PCDHGB7: variants seen among roughly 807,000 people sequenced by gnomAD.
PCDHGB7 encodes the protein protocadherin gamma subfamily B, 7.
In PCDHGB7, 37 loss-of-function variants were observed where a neutral mutation model predicts 61.4. The ratio of observed to expected loss-of-function variants is 0.60; its 90% CI spans 0.46 to 0.79. The LOEUF is 0.79. Ranked by LOEUF, PCDHGB7 falls within the 30% of genes least tolerant of loss-of-function variation. PCDHGB7 has a pLI of 0.00. For synonymous variants in PCDHGB7, 464 were observed against 503.5 expected, an observed-to-expected ratio of 0.92 and a Z score of 1.05; for missense variants, 1,166 against 1,202.5, an observed-to-expected ratio of 0.97 and a Z score of 0.45.
Position 141,490,693 on chromosome 5 carries a change from G to C in PCDHGB7, c.2416-4114G>C. 2 of 1,614,170 alleles carry C rather than the reference G, an allele frequency of 1.2e-6. No homozygotes were observed. Among genetic ancestry groups the C allele is most frequent in the Non-Finnish European group, 1.7e-6 (2 of 1,180,018 alleles). ...GGCTGCCTCAGATCCAGACACTGGG[G>C]ATAATGCCCGCCTCACCTACTCCAT... is the stretch of plus-strand genomic sequence containing the variant. On this transcript the variant is annotated intron_variant, in intron 1 of 3. Coordinates refer to ENST00000398594, the MANE Select transcript of PCDHGB7 (RefSeq NM_018927.4). This position sits in a 1 kb window ranked among gnomAD's most constrained non-coding sequence, Gnocchi z 5.4.
chr5:141,462,209 C>T (rs1158675305), intron 1 of PCDHGB7, among the ~76,000 whole-genome samples: 6 of 152,172 alleles, frequency 3.9e-5, no homozygotes, highest in Non-Finnish European at 8.8e-5. Flanking sequence ...ATCCGCCTGC[C>T]TCGGCCTCCC....
At position 141,503,992 on chromosome 5, in the gene PCDHGB7, A is replaced by G. The variant is rs1419698681; in HGVS notation, c.2475-1401A>G. 2.6e-5 allele frequency among the ~76,000 whole-genome samples: 4 copies of G among 152,116 alleles called. No homozygotes were observed. In the East Asian group the frequency reaches 7.7e-4, roughly 29 times the overall value. ...GGTGCCAAACCCTTCTTCTTACCTTACAGTCACTTAACTGTCTCTGCTGGT... is the reference window on the plus strand; with the variant it reads ...GGTGCCAAACCCTTCTTCTTACCTTGCAGTCACTTAACTGTCTCTGCTGGT... On this transcript the variant is annotated intron_variant, in intron 2 of 3. Transcript: ENST00000398594.
chr5:141,437,058 T>C (rs539776847), intron 1 of PCDHGB7, among the ~76,000 whole-genome samples: 2 of 152,246 alleles, frequency 1.3e-5, no homozygotes, highest in Non-Finnish European at 2.9e-5. Context: ...CTGGTGATCA[T>C]TATTTGGTTT....
chr5:141,504,541 C>G (rs1050153403), intron 2 of PCDHGB7, among the ~76,000 whole-genome samples: 2 of 151,728 alleles, frequency 1.3e-5, no homozygotes, highest in Non-Finnish European at 2.9e-5. Context: ...GTCATCATGG[C>G]AAATGTTGGG....
chr5:141,422,831 C>A (rs766457129), intron 1 of PCDHGB7: 11 of 1,614,242 alleles, frequency 6.8e-6, no homozygotes, highest in Non-Finnish European at 6.8e-6. Context: ...AGAGTGATAG[C>A]ACGTGACAGC....
chr5:141,492,619 G>A lies in PCDHGB7; in HGVS notation c.2416-2188G>A, dbSNP rs778698501. ...GCGACTGCCGCTCTAAGTGCCGGGC[G>A]GGCAGGACTCTACGATCCTTGGGCC... On this transcript the variant is annotated intron_variant, in intron 1 of 3. Coordinates refer to ENST00000398594, the MANE Select transcript of PCDHGB7 (RefSeq NM_018927.4). 7.8e-4 allele frequency among the ~76,000 whole-genome samples: 118 copies of A among 152,234 alleles called. 1 individual carries two copies. The highest frequency in any genetic ancestry group is 3.3e-3 in the Admixed American group (51 of 15,282).
At chr5:141,465,779 G>A (rs1199779963) in intron 1 of PCDHGB7, among the ~76,000 whole-genome samples, 2 of 145,170 alleles carry the variant, frequency 1.4e-5, no homozygotes, top group African/African-American at 5.0e-5. Flanking sequence ...TCTTGTTACA[G>A]TTTTTTTTTT....
chr5:141,433,199 A>G (rs2097574804), intron 1 of PCDHGB7: 1 of 1,579,570 alleles, frequency 6.3e-7, no homozygotes, highest in Non-Finnish European at 8.6e-7. Context: ...TTTATATCAA[A>G]TCTTCTTTCT....
At position 141,419,610 on chromosome 5, in the gene PCDHGB7, C is replaced by T. The variant is rs779657777; in HGVS notation, c.1751C>T (p.Pro584Leu). ...GACACAGTGCCGCGGGCCGCGCAGC[C>T]AGGCTACCTGGTGACCAAGGTGGTG... ...LFDTVPRAAQ[P>L]GYLVTKVVAV... Residue 584 changes from proline to leucine, a missense_variant, in exon 1 of 4, where the codon CCA (proline) becomes CTA (leucine). Transcript: ENST00000398594. The T allele has an allele frequency of 1.0e-4, 162 of 1,612,012 alleles. No homozygotes were observed. The highest frequency in any genetic ancestry group is 1.3e-4 in the Non-Finnish European group (155 of 1,179,712).
chr5:141,437,388 C>T (rs1434464979), intron 1 of PCDHGB7, among the ~76,000 whole-genome samples: 1 of 152,186 alleles, frequency 6.6e-6, no homozygotes, highest in Non-Finnish European at 1.5e-5. Context: ...AGACATTCAT[C>T]CACTGCTTTC....
intron 1 of PCDHGB7, chr5:141,421,280 G>A (rs564480755): frequency 1.2e-6 from 2 of 1,612,948 alleles, no homozygotes; most frequent in South Asian, 2.2e-5. Context: ...CTGCTGCTGT[G>A]CATTTTCCTG....
chr5:141,452,748 A>G (rs2098748275), intron 1 of PCDHGB7, among the ~76,000 whole-genome samples: 1 of 152,058 alleles, frequency 6.6e-6, no homozygotes, highest in Admixed American at 6.6e-5. Flanking sequence ...GAGAGAAGGA[A>G]GAAGGAAGGG....
chr5:141,473,974 C>G (rs958240236), intron 1 of PCDHGB7, among the ~76,000 whole-genome samples: 33 of 152,054 alleles, frequency 2.2e-4, no homozygotes, highest in Admixed American at 2.2e-3. Context: ...AAGTCTGAGG[C>G]GGGAGGATCC....
chr5:141,477,775 G>T lies in PCDHGB7; in HGVS notation c.2416-17032G>T. 2 of 1,614,046 alleles carry T rather than the reference G, an allele frequency of 1.2e-6. No individual in the cohort carries two copies. The highest frequency in any genetic ancestry group is 2.7e-5 in the African/African-American group (2 of 75,052). On this transcript the variant is annotated intron_variant, in intron 1 of 3. Transcript: ENST00000398594. The surrounding 1 kb of genome is among the most constrained non-coding windows in gnomAD (Gnocchi z 4.9). ...CGGTCCTAGCCACCAACATCAGCGT[G>T]AACATATTTGTCACTGATCGCAATG...
Position 141,419,829 on chromosome 5 carries a change from C to G in PCDHGB7, c.1970C>G (p.Thr657Ser), listed in dbSNP as rs748734266. Residue 657 changes from threonine (T) to serine (S), a missense_variant, in exon 1 of 4, where the codon ACT (threonine) becomes AGT (serine). Physicochemically the swap from Thr to Ser is moderately conservative, Grantham distance 58. Transcript: ENST00000398594. ...GGAGGACAGCCACCCCTTTCAGCCA[C>G]TGCCACGCTGCACCTGGTGTTCGCA... Reference protein sequence around the residue: ...RDGGQPPLSATATLHLVFADS... With the variant: ...RDGGQPPLSASATLHLVFADS... 1 of 1,614,072 alleles carries G rather than the reference C, an allele frequency of 6.2e-7. No homozygotes were observed. Among genetic ancestry groups the G allele is most frequent in the Admixed American group, 1.7e-5 (1 of 60,034 alleles).
chr5:141,489,864 T>G lies in PCDHGB7; in HGVS notation c.2416-4943T>G, dbSNP rs1274301673. ...TGGATCGTGAAGCCCAGGCAAGACA[T>G]CAGCTGGTGCTTACTGCTGTGGATG... On this transcript the variant is annotated intron_variant, in intron 1 of 3. Coordinates refer to ENST00000398594, the MANE Select transcript of PCDHGB7 (RefSeq NM_018927.4). This position sits in a 1 kb window ranked among gnomAD's most constrained non-coding sequence, Gnocchi z 4.5. 5 of 1,614,064 alleles carry G rather than the reference T, an allele frequency of 3.1e-6. No individual in the cohort carries two copies. The highest frequency in any genetic ancestry group is 3.4e-6 in the Non-Finnish European group (4 of 1,180,022).
intron 1 of PCDHGB7, chr5:141,441,249 T>TA (rs981387539): frequency 2.0e-5 from 3 of 152,206 alleles, no homozygotes. Context: ...ACAAGATCTT[T>TA]AAATCACAAG....
Position 141,432,647 on chromosome 5 carries a change from C to G in PCDHGB7, c.2415+12373C>G, listed in dbSNP as rs747789886. The G allele has an allele frequency of 1.7e-5, 28 of 1,613,678 alleles. No individual in the cohort carries two copies. In the Admixed American group the frequency reaches 4.5e-4, roughly 26 times the overall value. ...GCACACGGGCGAGGTGCGCACGGCG[C>G]GAGCCCTGCTGGACAGAGACGCGCT... On this transcript the variant is annotated intron_variant, in intron 1 of 3. Coordinates refer to ENST00000398594, the MANE Select transcript of PCDHGB7 (RefSeq NM_018927.4). This position sits in a 1 kb window ranked among gnomAD's most constrained non-coding sequence, Gnocchi z 6.0.
rs2096259626 is a variant in PCDHGB7, at chr5:141,418,453, G to T, written c.594G>T (p.Lys198Asn). The change falls in exon 1 of 4, where the codon AAG (lysine) becomes AAT (asparagine). Residue 198 changes from lysine to asparagine, a missense_variant. Coordinates refer to ENST00000398594, the MANE Select transcript of PCDHGB7 (RefSeq NM_018927.4). ...GGKYPELVLQ[K>N]TLDRETQSAH... ...AATATCCAGAATTAGTATTGCAGAA[G>T]ACTCTGGACCGAGAAACGCAGAGCG... 2 of 1,614,060 alleles carry T rather than the reference G, an allele frequency of 1.2e-6. No homozygotes were observed. Among genetic ancestry groups the T allele is most frequent in the East Asian group, 4.5e-5 (2 of 44,882 alleles).
Sources: allele counts gnomAD v4.1 joint callset (sites outside exome capture counted in the v4.1 genomes callset), GRCh38; gene constraint gnomAD v4.1.1; non-coding constraint Gnocchi (gnomAD v3.1); transcripts MANE v1.5; gene names NCBI Gene and HGNC (gene_info 2026-07-23, HGNC 2026-07-21).